The following MYCBP2 variants were observed in gnomAD, a reference collection of about 807,000 sequenced individuals.
MYCBP2 encodes the protein MYC binding protein 2.
In MYCBP2, 120 loss-of-function variants were observed where a neutral mutation model predicts 525.3. That is an observed-to-expected ratio of 0.23 (90% CI 0.20 to 0.27). MYCBP2 has a LOEUF of 0.27. MYCBP2 is among the 10% of genes least tolerant of loss of function. The probability of loss-of-function intolerance (pLI) is 1.00; values close to 1 mark genes in which losing one functional copy is unlikely to be tolerated. For synonymous variants in MYCBP2, 1,894 were observed against 1,955.8 expected, an observed-to-expected ratio of 0.97 and a Z score of 0.83; for missense variants, 4,149 against 5,657.1, an observed-to-expected ratio of 0.73 and a Z score of 8.55.
chr13:77,245,744 A>AACAC (rs71102727), intron 15 of MYCBP2, among the ~76,000 whole-genome samples: 33 of 143,170 alleles, frequency 2.3e-4, no homozygotes, highest in African/African-American at 7.9e-4. Flanking sequence ...AACGTAAAGT[A>AACAC]ACACACACAC....
intron 68 of MYCBP2, among the ~76,000 whole-genome samples, chr13:77,074,635 C>T (rs1312806337): frequency 1.3e-5 from 2 of 152,124 alleles, no homozygotes; most frequent in East Asian, 3.8e-4. Flanking sequence ...AAAGGATAAA[C>T]AAATTACGGT....
At position 77,176,559 on chromosome 13, in the gene MYCBP2, T is replaced by C; in HGVS notation, c.5410A>G (p.Thr1804Ala). 1.9e-6 allele frequency: 3 copies of C among 1,601,748 alleles called. No homozygotes were observed. The highest frequency in any genetic ancestry group is 2.2e-5 in the East Asian group (1 of 44,752). Residue 1804 changes from threonine to alanine, a missense_variant, in exon 36 of 83, where the codon ACA becomes GCA. By Grantham distance (58) the Thr-to-Ala change is moderately conservative. Transcript: ENST00000544440. ...ATATCACTGGGTGAGTCATCCGTTG[T>C]GTACGTTCCTTTCACTAATTCCAGA... ...TSLELVKGTY[T>A]TDDSPSDIAE...
At chr13:77,144,653 A>G in intron 48 of MYCBP2, 93 bp from the exon 49 acceptor site, 1 of 852,098 alleles carries the variant, frequency 1.2e-6, no homozygotes. Context: ...ATTTGTTTGC[A>G]TACCTCCTGG....
chr13:77,315,283 C>G (rs903767848), intron 1 of MYCBP2, among the ~76,000 whole-genome samples: 5 of 152,082 alleles, frequency 3.3e-5, no homozygotes, highest in Non-Finnish European at 7.4e-5. Context: ...GGTAGGATTA[C>G]TATGTAACTC....
intron 18 of MYCBP2, among the ~76,000 whole-genome samples, chr13:77,227,961 AATT>A (rs780296218): frequency 5.9e-5 from 9 of 152,140 alleles, no homozygotes; most frequent in Non-Finnish European, 1.0e-4. Context: ...ACAACTTCTC[AATT>A]ATTATAGACA....
intron 3 of MYCBP2, among the ~76,000 whole-genome samples, chr13:77,286,716 A>C: frequency 9.1e-6 from 1 of 110,258 alleles, no homozygotes; most frequent in Non-Finnish European, 1.7e-5. Context: ...AGATGGCACC[A>C]CTGCACTCCA....
intron 69 of MYCBP2, among the ~76,000 whole-genome samples, chr13:77,069,488 C>T (rs762438139): frequency 3.5e-4 from 53 of 151,482 alleles, no homozygotes; most frequent in Admixed American, 6.6e-4. Context: ...ACCTGTAATC[C>T]CAGCAGTTTG....
intron 54 of MYCBP2, 30 bp downstream of exon 54, chr13:77,125,306 G>A (rs973105418): frequency 1.2e-6 from 2 of 1,612,020 alleles, no homozygotes; most frequent in Non-Finnish European, 1.7e-6. Context: ...AAGCTTAATT[G>A]GAATAAATCA....
At chr13:77,164,942 C>T (rs1374047310) in intron 42 of MYCBP2, among the ~76,000 whole-genome samples, 4 of 152,196 alleles carry the variant, frequency 2.6e-5, no homozygotes, top group Non-Finnish European at 5.9e-5. Context: ...GTTGCACAAA[C>T]TCCATCCTCT....
intron 27 of MYCBP2, among the ~76,000 whole-genome samples, chr13:77,193,430 G>C (rs1269247341): frequency 1.3e-5 from 2 of 152,020 alleles, no homozygotes; most frequent in Non-Finnish European, 2.9e-5. Flanking sequence ...TCACTAGCAA[G>C]AAAACCTACA....
intron 55 of MYCBP2, among the ~76,000 whole-genome samples, chr13:77,108,532 A>G (rs185380899): frequency 1.3e-5 from 2 of 152,318 alleles, no homozygotes; most frequent in Admixed American, 1.3e-4. Context: ...TGCAAGGGAA[A>G]AATATTAATT....
At chr13:77,085,088 C>T (rs758648768) in intron 62 of MYCBP2, among the ~76,000 whole-genome samples, 28 of 151,994 alleles carry the variant, frequency 1.8e-4, no homozygotes, top group Non-Finnish European at 3.5e-4. Flanking sequence ...CTAATGCTGA[C>T]ACTGGCTGTT....
chr13:77,123,495 C>A (rs936813542), intron 54 of MYCBP2, among the ~76,000 whole-genome samples: 1 of 152,154 alleles, frequency 6.6e-6, no homozygotes, highest in Admixed American at 6.5e-5. Flanking sequence ...TGCATTTTAA[C>A]AATAAGACCT....
chr13:77,294,122 A>ATATATATATATATATATG lies in MYCBP2; in HGVS notation c.378+2476_378+2477insCATATATATATATATATA, dbSNP rs2077856608. ...ATAATGGCTATATATATATATATAT[A>ATATATATATATATATATG]TATATATACATATATATATACATAT... On this transcript the variant is annotated intron_variant, in intron 2 of 82. Coordinates refer to ENST00000544440, the MANE Select transcript of MYCBP2 (RefSeq NM_015057.5). Among the ~76,000 whole-genome samples the ATATATATATATATATATG allele has an allele frequency of 7.6e-5, 5 of 66,046 alleles. No individual in the cohort carries two copies. The South Asian group carries it at 2.2e-3, about 29-fold the overall frequency. 43.3% of individuals were successfully genotyped at this position (66,046 alleles called of 152,430 possible). A position where few individuals can be genotyped will look rare whatever the true frequency, so the allele number is the denominator to read the frequency against.
chr13:77,176,652 A>T, intron 35 of MYCBP2, 24 bp from the exon 36 acceptor site: 1 of 1,484,062 alleles, frequency 6.7e-7, no homozygotes, highest in Non-Finnish European at 9.0e-7. Flanking sequence ...ATGAAACACA[A>T]AAATTCCAAC....
In MYCBP2 at chr13:77,185,239, A is replaced by T; in HGVS notation, c.4583T>A (p.Leu1528His). The T allele has an allele frequency of 6.2e-7, 1 of 1,614,154 alleles. No homozygotes were observed. The highest frequency in any genetic ancestry group is 8.5e-7 in the Non-Finnish European group (1 of 1,180,012). The change falls in exon 32 of 83, where the codon CTC becomes CAC. Residue 1528 changes from leucine to histidine, a missense_variant. Leu to His is a moderately conservative substitution (Grantham distance 99). Transcript: ENST00000544440. Reference protein sequence around the residue: ...VKLDNDPQGYLSQPLSLLEAV... With the variant: ...VKLDNDPQGYHSQPLSLLEAV... ...TTCTAGAAGACTCAAGGGTTGACTG[A>T]GATATCCTTGAGGATCATTATCCAA... is the stretch of plus-strand genomic sequence containing the variant.
At chr13:77,176,463 C>G in intron 36 of MYCBP2, 34 bp downstream of exon 36, 1 of 1,533,160 alleles carries the variant, frequency 6.5e-7, no homozygotes, top group Non-Finnish European at 8.8e-7. Flanking sequence ...AATAATACCT[C>G]TTATTCACAA....
At chr13:77,100,685 T>A (rs1166615122) in intron 55 of MYCBP2, among the ~76,000 whole-genome samples, 2 of 152,156 alleles carry the variant, frequency 1.3e-5, no homozygotes, top group East Asian at 1.9e-4. Context: ...TAAGATAATT[T>A]TTCCTGTTCT....
chr13:77,112,987 T>C (rs2049094491), intron 55 of MYCBP2, among the ~76,000 whole-genome samples: 2 of 152,166 alleles, frequency 1.3e-5, no homozygotes, highest in Non-Finnish European at 2.9e-5. Context: ...TTCCCCGTTT[T>C]CTCCTAAGCC....
Sources: gnomAD v4.1 joint callset for allele counts (sites outside exome capture counted in the v4.1 genomes callset) on GRCh38, gnomAD v4.1.1 for gene constraint, MANE v1.5 for transcripts, NCBI Gene and HGNC (gene_info 2026-07-23, HGNC 2026-07-21) for gene names.